MPP4: variants seen among roughly 807,000 people sequenced by gnomAD.
MPP4 encodes MAGUK p55 scaffold protein 4.
In MPP4, 91 loss-of-function variants were observed where a neutral mutation model predicts 98.3. That is an observed-to-expected ratio of 0.93 (90% CI 0.78 to 1.10). The LOEUF is 1.10. Among genes scored for constraint, MPP4 ranks in the 50% least tolerant of loss-of-function variants. The probability of loss-of-function intolerance (pLI) is 0.00; values close to 1 mark genes in which losing one functional copy is unlikely to be tolerated. For missense variants in MPP4, 744 were observed against 792.9 expected (o/e 0.94, Z 0.74); for synonymous variants, 261 against 271.8 (o/e 0.96, Z 0.39).
chr2:201,658,452 C>A, intron 16 of MPP4, 25 bp downstream of exon 16: 1 of 1,600,802 alleles, frequency 6.2e-7, no homozygotes, highest in Non-Finnish European at 8.5e-7. Flanking sequence ...GACAGAGACC[C>A]ACCTCTTGTT....
rs1394941738 is a variant in MPP4, at chr2:201,680,609, C to T, written c.929+229G>A. 4 of 487,382 alleles carry T rather than the reference C, an allele frequency of 8.2e-6. No individual in the cohort carries two copies. The Admixed American group carries it at 9.8e-5, about 12-fold the overall frequency. The allele number at this position is 487,382 out of a possible 1,614,324, so 30.2% of individuals were successfully genotyped here. On this transcript the variant is annotated intron_variant, in intron 10 of 21. Coordinates refer to ENST00000409474, the MANE Select transcript of MPP4 (RefSeq NM_033066.3). Reference sequence around the variant, plus strand: ...GCACTTTTTAAGTTTAATTTAGTTTCCCAAGACTTTTCCCTGTTTTCTAGC... The same window carrying T: ...GCACTTTTTAAGTTTAATTTAGTTTTCCAAGACTTTTCCCTGTTTTCTAGC...
intron 16 of MPP4, among the ~76,000 whole-genome samples, chr2:201,656,775 C>T (rs888139164): frequency 2.6e-5 from 4 of 152,096 alleles, no homozygotes; most frequent in Admixed American, 6.6e-5. Flanking sequence ...GAAAGGTTGG[C>T]GTTGAGCAGA....
At position 201,654,915 on chromosome 2, in the gene MPP4, G is replaced by C. The variant is rs533499045; in HGVS notation, c.1303C>G (p.Pro435Ala). 6.3e-6 allele frequency: 10 copies of C among 1,592,706 alleles called. No homozygotes were observed. The East Asian group carries it at 1.8e-4, about 29-fold the overall frequency. ...DKYRLIVLMG[P>A]SGVGVNELRR... The stretch of plus-strand genomic sequence containing the variant: ...AGCTCATTTACTCCAACACCAGAGG[G>C]TCCTAAACACAAAAAGTCACACACA... Residue 435 changes from proline (P) to alanine (A), a missense_variant and splice_region_variant, in exon 18 of 22, where the codon CCC becomes GCC. By Grantham distance (27) the Pro-to-Ala change is conservative. Coordinates refer to ENST00000409474, the MANE Select transcript of MPP4 (RefSeq NM_033066.3).
chr2:201,685,334 C>T (rs558399830), intron 6 of MPP4, among the ~76,000 whole-genome samples, 189 bp from the exon 7 acceptor site: 12 of 151,802 alleles, frequency 7.9e-5, no homozygotes, highest in Non-Finnish European at 1.8e-4. Flanking sequence ...TCAAACAAGG[C>T]TATTCAGGCA....
intron 3 of MPP4, among the ~76,000 whole-genome samples, 194 bp downstream of exon 3, chr2:201,692,714 G>A (rs1373017263): frequency 6.6e-6 from 1 of 152,062 alleles, no homozygotes; most frequent in Non-Finnish European, 1.5e-5. Context: ...AACCAGAGAG[G>A]GAGCCCTCAA....
intron 1 of MPP4, among the ~76,000 whole-genome samples, chr2:201,695,159 C>T (rs760203398): frequency 1.8e-4 from 27 of 152,060 alleles, no homozygotes; most frequent in Admixed American, 9.2e-4. Context: ...AGGTTCCTTC[C>T]GGCTACTGCT....
chr2:201,693,407 T>C lies in MPP4; in HGVS notation c.80-378A>G, dbSNP rs191684912. Reference sequence around the variant, plus strand: ...CAAAATTATCTACTTGTGTTCTGTATCCTCTTTCTCTAACTCAAACATAAG... The same window carrying C: ...CAAAATTATCTACTTGTGTTCTGTACCCTCTTTCTCTAACTCAAACATAAG... On this transcript the variant is annotated intron_variant, in intron 2 of 21. Coordinates refer to ENST00000409474, the MANE Select transcript of MPP4 (RefSeq NM_033066.3). 3.3e-5 allele frequency among the ~76,000 whole-genome samples: 5 copies of C among 152,322 alleles called. No individual in the cohort carries two copies. The East Asian group carries it at 9.6e-4, about 29-fold the overall frequency.
intron 4 of MPP4, among the ~76,000 whole-genome samples, chr2:201,689,353 G>GC (rs1179311129): frequency 1.3e-5 from 2 of 152,108 alleles, no homozygotes; most frequent in African/African-American, 4.8e-5. Context: ...CAAAAAAAGA[G>GC]CTTTGGTGTT....
intron 3 of MPP4, among the ~76,000 whole-genome samples, chr2:201,690,945 A>C (rs540543797): frequency 1.3e-5 from 2 of 152,180 alleles, no homozygotes; most frequent in Non-Finnish European, 2.9e-5. Context: ...GCACCCCTTG[A>C]TCTTATTTTA....
intron 11 of MPP4, among the ~76,000 whole-genome samples, chr2:201,670,745 T>C (rs989710144): frequency 1.3e-5 from 2 of 152,224 alleles, no homozygotes; most frequent in African/African-American, 4.8e-5. Flanking sequence ...AAAATGTTTC[T>C]GATAAGATGT....
intron 13 of MPP4, 139 bp downstream of exon 13, chr2:201,666,195 T>C: frequency 1.7e-6 from 1 of 587,666 alleles, no homozygotes. Context: ...CTACAGAAGA[T>C]AGATGGGGGT....
At chr2:201,648,989 G>C (rs561806080) in intron 20 of MPP4, among the ~76,000 whole-genome samples, 2 of 152,236 alleles carry the variant, frequency 1.3e-5, no homozygotes, top group African/African-American at 4.8e-5. Context: ...GCTTGAACCC[G>C]GGAAGCGGAG....
At chr2:201,663,739 A>T (rs1221009339) in intron 14 of MPP4, among the ~76,000 whole-genome samples, 1 of 152,106 alleles carries the variant, frequency 6.6e-6, no homozygotes, top group South Asian at 2.1e-4. Context: ...TAAATTAGCC[A>T]GGTGTAATGG....
intron 20 of MPP4, among the ~76,000 whole-genome samples, chr2:201,648,852 G>A (rs1687640148): frequency 6.6e-6 from 1 of 152,150 alleles, no homozygotes. Flanking sequence ...GAGCCCAGGA[G>A]TTCCATTGCC....
At chr2:201,694,248 C>T (rs915919752) in intron 1 of MPP4, among the ~76,000 whole-genome samples, 194 bp from the exon 2 acceptor site, 1 of 152,126 alleles carries the variant, frequency 6.6e-6, no homozygotes, top group African/African-American at 2.4e-5. Flanking sequence ...TTTAGCCTTT[C>T]AGAAGAATTG....
chr2:201,676,016 T>C (rs557969192), intron 10 of MPP4, among the ~76,000 whole-genome samples: 2 of 152,138 alleles, frequency 1.3e-5, no homozygotes, highest in South Asian at 4.1e-4. Context: ...CAAATTAGAA[T>C]CTCCATTTTA....
intron 2 of MPP4, 144 bp downstream of exon 2, chr2:201,693,732 G>T (rs977342680): frequency 5.6e-6 from 5 of 899,312 alleles, no homozygotes; most frequent in Non-Finnish European, 5.4e-6. Context: ...AGTTATCACT[G>T]GTAGGGCAGT....
In MPP4 at chr2:201,650,094, C is replaced by T; in HGVS notation, c.1453G>A (p.Glu485Lys). Residue 485 changes from glutamate (E) to lysine (K), a missense_variant, in exon 19 of 22, where the codon GAA (glutamate) becomes AAA (lysine). Coordinates refer to ENST00000409474, the MANE Select transcript of MPP4 (RefSeq NM_033066.3). ...TACCTGTGACTATATATGAGGTTTT[C>T]AAATGTTTCCTTGGACACATAGTGA... is the stretch of plus-strand genomic sequence containing the variant. ...EYHYVSKETF[E>K]NLIYSHRMLE... 6.3e-7 allele frequency: 1 copy of T among 1,577,072 alleles called. No homozygotes were observed. Among genetic ancestry groups the T allele is most frequent in the Non-Finnish European group, 8.6e-7 (1 of 1,159,272 alleles).
chr2:201,664,162 C>A, intron 13 of MPP4, 61 bp from the exon 14 acceptor site: 2 of 1,513,706 alleles, frequency 1.3e-6, no homozygotes, highest in East Asian at 2.5e-5. Context: ...TACACTGAGT[C>A]TATATTTTAA....
Sources: allele counts gnomAD v4.1 joint callset (sites outside exome capture counted in the v4.1 genomes callset), GRCh38; gene constraint gnomAD v4.1.1; transcripts MANE v1.5; gene names NCBI Gene and HGNC (gene_info 2026-07-23, HGNC 2026-07-21).